The following GABRA3 variants were observed in gnomAD, a reference collection of about 807,000 sequenced individuals.
The protein encoded by GABRA3 is gamma-aminobutyric acid type A receptor subunit alpha3, also known as gamma-aminobutyric acid receptor subunit alpha-3.
Under a neutral mutation model 30.1 loss-of-function variants are expected in GABRA3, and 10 were observed. The observed-to-expected ratio is 0.33, with a 90% CI of 0.20 to 0.56. The LOEUF (loss-of-function observed/expected upper bound fraction) is 0.56, where lower values mean the gene tolerates loss of function less well. GABRA3 is among the 20% of genes least tolerant of loss of function. The probability of loss-of-function intolerance (pLI) is 0.89; values close to 1 mark genes in which losing one functional copy is unlikely to be tolerated. For synonymous variants in GABRA3, 151 were observed against 146.8 expected (o/e 1.03, Z -0.21); for missense variants, 233 against 392.0 (o/e 0.59, Z 3.42).
intron 1 of GABRA3, among the ~76,000 whole-genome samples, chrX:152,421,718 C>T (rs1180815102): frequency 2.7e-5 from 3 of 111,208 alleles, no homozygotes; most frequent in Non-Finnish European, 5.7e-5. Flanking sequence ...ATTGAATAGA[C>T]TAATGAACAA....
At chrX:152,264,230 T>C (rs762113234) in intron 4 of GABRA3, among the ~76,000 whole-genome samples, 12 of 111,910 alleles carry the variant, frequency 1.1e-4, no homozygotes, top group Non-Finnish European at 2.1e-4. Context: ...CTTATCTTCA[T>C]AGAAAGATTC....
At chrX:152,231,300 TACGTGTGTGTAC>T (rs758731960) in intron 5 of GABRA3, among the ~76,000 whole-genome samples, 232 of 109,258 alleles carry the variant, frequency 2.1e-3, no homozygotes, top group African/African-American at 7.0e-3. Context: ...CGTGTATATA[TACGTGTGTGTAC>T]ACGTGTGTGT....
At chrX:152,337,215 A>G (rs1018148532) in intron 3 of GABRA3, among the ~76,000 whole-genome samples, 8 of 111,938 alleles carry the variant, frequency 7.1e-5, no homozygotes, top group Non-Finnish European at 1.5e-4. Context: ...TGCTAGAACC[A>G]TTCAAATTTT....
intron 1 of GABRA3, among the ~76,000 whole-genome samples, chrX:152,437,974 A>T (rs1056345436): frequency 1.2e-4 from 13 of 112,365 alleles, no homozygotes; most frequent in Non-Finnish European, 3.8e-5. Context: ...ATTGACCTTC[A>T]TTAAAATTTA....
chrX:152,251,479 A>G (rs932437962), intron 5 of GABRA3, among the ~76,000 whole-genome samples: 3 of 107,606 alleles, frequency 2.8e-5, no homozygotes, highest in Non-Finnish European at 5.8e-5. Flanking sequence ...TTTCTCCTCT[A>G]TCCTGTTCTT....
intron 3 of GABRA3, among the ~76,000 whole-genome samples, chrX:152,341,545 C>CT (rs1201836478): frequency 0.033 from 2,896 of 86,669 alleles, 73 homozygotes; most frequent in Middle Eastern, 0.045. Context: ...CATCTATTGA[C>CT]TTTTTTTTTT....
intron 9 of GABRA3, among the ~76,000 whole-genome samples, chrX:152,182,310 T>TAC (rs1198159581): frequency 1.0e-3 from 94 of 93,781 alleles, no homozygotes; most frequent in Middle Eastern, 5.4e-3. Context: ...TATATATATA[T>TAC]ATACACACAC....
intron 1 of GABRA3, chrX:152,389,206 T>C (rs1211840890): frequency 1.8e-5 from 2 of 112,079 alleles, no homozygotes; most frequent in Non-Finnish European, 3.8e-5. Context: ...AACCTCGGCA[T>C]AGATCAAGAA....
intron 1 of GABRA3, among the ~76,000 whole-genome samples, chrX:152,387,036 C>T (rs1446172136): frequency 9.4e-6 from 1 of 106,563 alleles, no homozygotes; most frequent in African/African-American, 3.4e-5. Flanking sequence ...TCTCAGTAAA[C>T]TATCGCAAGC....
intron 6 of GABRA3, among the ~76,000 whole-genome samples, chrX:152,214,170 T>C (rs960162006): frequency 1.5e-4 from 17 of 111,635 alleles, no homozygotes; most frequent in African/African-American, 5.5e-4. Flanking sequence ...AGTGAGAATA[T>C]GCGGTATTCG....
chrX:152,284,707 G>A lies in GABRA3; in HGVS notation c.291C>T (p.Ile97=). ...GDAVTEVKTD[I]YVTSFGPVSD... ...ACACAGGGCCAAAACTGGTCACGTA[G>A]ATGTCAGTCTTCACTTCAGTCACTG... The change falls in exon 4 of 10, where the codon ATC becomes ATT. Residue 97 remains isoleucine, a synonymous_variant. Coordinates refer to ENST00000370314, the MANE Select transcript of GABRA3 (RefSeq NM_000808.4). The A allele has an allele frequency of 8.4e-7, 1 of 1,193,012 alleles. No homozygotes were observed. The highest frequency in any genetic ancestry group is 1.1e-6 in the Non-Finnish European group (1 of 881,987).
chrX:152,224,248 T>C (rs774723393), intron 6 of GABRA3, among the ~76,000 whole-genome samples: 1 of 112,171 alleles, frequency 8.9e-6, no homozygotes, highest in Non-Finnish European at 1.9e-5. Context: ...TATTTACTAC[T>C]TTTTCTGTAA....
At position 152,166,754 on chromosome X, in the gene GABRA3, T is replaced by C. The variant is rs1936941438; in HGVS notation, c.*1474A>G. On this transcript the variant is annotated 3_prime_UTR_variant, in exon 10 of 10. Transcript: ENST00000370314. ...CATTGTGACTTTCTAAAAACCTTTTTGGTGCCCAACCAAGTTCCACTAGTG... is the reference window on the plus strand; with the variant it reads ...CATTGTGACTTTCTAAAAACCTTTTCGGTGCCCAACCAAGTTCCACTAGTG... The C allele has an allele frequency of 1.8e-5, 2 of 110,864 alleles. No homozygotes were observed. Among genetic ancestry groups the C allele is most frequent in the South Asian group, 4.0e-4 (1 of 2,525 alleles). The allele number at this position is 110,864 out of a possible 1,213,427, so 9.1% of individuals were successfully genotyped here. A position where few individuals can be genotyped will look rare whatever the true frequency, so the allele number is the denominator to read the frequency against.
chrX:152,274,633 A>C (rs969273574), intron 4 of GABRA3, among the ~76,000 whole-genome samples: 3 of 111,187 alleles, frequency 2.7e-5, no homozygotes, highest in Non-Finnish European at 3.8e-5. Context: ...TTACATATGA[A>C]ATCTTGTTTG....
intron 1 of GABRA3, among the ~76,000 whole-genome samples, chrX:152,448,734 A>G (rs769979861): frequency 8.9e-6 from 1 of 112,148 alleles, no homozygotes; most frequent in East Asian, 2.8e-4. Context: ...TCTTCATGAA[A>G]TTAGAAAATT....
chrX:152,297,731 A>G (rs1247578826), intron 3 of GABRA3, among the ~76,000 whole-genome samples: 1 of 112,342 alleles, frequency 8.9e-6, no homozygotes, highest in Non-Finnish European at 1.9e-5. Flanking sequence ...CATTTCAAAA[A>G]ATATTCTATA....
chrX:152,416,077 A>G (rs1263561259), intron 1 of GABRA3, among the ~76,000 whole-genome samples: 1 of 108,021 alleles, frequency 9.3e-6, no homozygotes, highest in East Asian at 2.9e-4. Context: ...AGAGGAAGTC[A>G]AATTGTCCCT....
chrX:152,236,203 T>G (rs1938208699), intron 5 of GABRA3, among the ~76,000 whole-genome samples: 1 of 96,308 alleles, frequency 1.0e-5, no homozygotes, highest in African/African-American at 3.9e-5. Context: ...GTCCATGTGA[T>G]CTCATTGTTC....
chrX:152,355,916 A>C (rs1166542534), intron 2 of GABRA3, among the ~76,000 whole-genome samples: 3 of 111,722 alleles, frequency 2.7e-5, no homozygotes, highest in Non-Finnish European at 5.6e-5. Flanking sequence ...TTCTTATCAA[A>C]AATGCAGGAC....
Sources: gnomAD v4.1 joint callset for allele counts (sites outside exome capture counted in the v4.1 genomes callset) on GRCh38, gnomAD v4.1.1 for gene constraint, MANE v1.5 for transcripts, NCBI Gene and HGNC (gene_info 2026-07-23, HGNC 2026-07-21) for gene names.